The following UNC5D variants were observed in gnomAD, a reference collection of about 807,000 sequenced individuals.
UNC5D encodes netrin receptor UNC5D.
Under a neutral mutation model 105.4 loss-of-function variants are expected in UNC5D, and 39 were observed. That is an observed-to-expected ratio of 0.37 (90% confidence interval 0.29 to 0.48). UNC5D has a LOEUF of 0.48. UNC5D is among the 20% of genes least tolerant of loss of function. The probability of loss-of-function intolerance (pLI) is 0.98; values close to 1 mark genes in which losing one functional copy is unlikely to be tolerated. For synonymous variants in UNC5D, 452 were observed against 450.4 expected, an observed-to-expected ratio of 1.00 and a Z score of -0.04; for missense variants, 991 against 1,202.4, an observed-to-expected ratio of 0.82 and a Z score of 2.60.
At chr8:35,349,341 A>G (rs1195769071) in intron 1 of UNC5D, among the ~76,000 whole-genome samples, 2 of 151,960 alleles carry the variant, frequency 1.3e-5, no homozygotes, top group African/African-American at 2.4e-5. Context: ...TGTCACTTCA[A>G]ACAATGATCA....
chr8:35,769,002 A>G (rs1425080388), intron 15 of UNC5D, among the ~76,000 whole-genome samples: 1 of 152,102 alleles, frequency 6.6e-6, no homozygotes, highest in Non-Finnish European at 1.5e-5. Flanking sequence ...TGTCATCTTC[A>G]TTTTGTATAA....
At chr8:35,535,309 C>T (rs1814750250) in intron 1 of UNC5D, among the ~76,000 whole-genome samples, 1 of 152,076 alleles carries the variant, frequency 6.6e-6, no homozygotes, top group African/African-American at 2.4e-5. Context: ...TATTACAGTG[C>T]TCTTCTCCCC....
chr8:35,678,648 T>C (rs1825441272), intron 4 of UNC5D, among the ~76,000 whole-genome samples: 1 of 152,188 alleles, frequency 6.6e-6, no homozygotes, highest in Non-Finnish European at 1.5e-5. Flanking sequence ...ATATATTTAC[T>C]CTTTCATGTA....
chr8:35,700,695 G>C (rs532260470), intron 7 of UNC5D, among the ~76,000 whole-genome samples: 1 of 152,236 alleles, frequency 6.6e-6, no homozygotes, highest in South Asian at 2.1e-4. Context: ...AGAGTTAATA[G>C]ATTTATCAGA....
Position 35,302,426 on chromosome 8 carries a change from T to C in UNC5D, c.103+66539T>C, listed in dbSNP as rs111307243. On this transcript the variant is annotated intron_variant, in intron 1 of 16. Coordinates refer to ENST00000404895, the MANE Select transcript of UNC5D (RefSeq NM_080872.4). ...ACCAAATGAGAGCATCGCAGGGCAC[T>C]CCATGGTTTCTTTTCCTCAGATGCT... Among the ~76,000 whole-genome samples, 596 of 152,310 alleles carry C rather than the reference T, an allele frequency of 3.9e-3. 6 individuals are homozygous for C. Among genetic ancestry groups the C allele is most frequent in the African/African-American group, 0.013 (561 of 41,566 alleles).
intron 1 of UNC5D, among the ~76,000 whole-genome samples, chr8:35,305,589 C>CTTTCTTTCTTTCTTTCA (rs1808299799): frequency 4.9e-5 from 3 of 61,610 alleles, no homozygotes; most frequent in African/African-American, 2.5e-4. Context: ...TTCTTTCTTT[C>CTTTCTTTCTTTCTTTCA]TTTCTTTCTT....
At chr8:35,396,030 A>G (rs1804076039) in intron 1 of UNC5D, among the ~76,000 whole-genome samples, 1 of 152,200 alleles carries the variant, frequency 6.6e-6, no homozygotes, top group Non-Finnish European at 1.5e-5. Flanking sequence ...TGGGAATACC[A>G]ATTTGTAGAG....
intron 15 of UNC5D, 66 bp downstream of exon 15, chr8:35,767,132 A>C (rs1586613623): frequency 6.7e-7 from 1 of 1,497,942 alleles, no homozygotes. Context: ...ATAAAGCTAT[A>C]CCTACCAGCC....
At chr8:35,751,878 T>C (rs1239455922) in intron 13 of UNC5D, among the ~76,000 whole-genome samples, 1 of 152,142 alleles carries the variant, frequency 6.6e-6, no homozygotes, top group Non-Finnish European at 1.5e-5. Context: ...CTTTTACAAA[T>C]TTCCATGGAT....
At chr8:35,628,356 A>T (rs1247798673) in intron 4 of UNC5D, among the ~76,000 whole-genome samples, 1 of 152,068 alleles carries the variant, frequency 6.6e-6, no homozygotes, top group Non-Finnish European at 1.5e-5. Context: ...CTTGTCTTGA[A>T]TTCCTTACCT....
At chr8:35,501,793 T>G (rs1811989516) in intron 1 of UNC5D, among the ~76,000 whole-genome samples, 1 of 152,244 alleles carries the variant, frequency 6.6e-6, no homozygotes, top group Non-Finnish European at 1.5e-5. Context: ...TCTGGTAGTT[T>G]ACCTCTGAGC....
intron 1 of UNC5D, among the ~76,000 whole-genome samples, chr8:35,429,805 C>T (rs550994812): frequency 7.4e-4 from 113 of 152,216 alleles, no homozygotes; most frequent in African/African-American, 2.3e-3. Context: ...CAGCCCATGA[C>T]GACCAATGAT....
chr8:35,646,488 G>C (rs913623153), intron 4 of UNC5D, among the ~76,000 whole-genome samples: 2 of 151,968 alleles, frequency 1.3e-5, no homozygotes, highest in Non-Finnish European at 2.9e-5. Flanking sequence ...CCTCAACCCA[G>C]TCCTGAAATA....
intron 1 of UNC5D, among the ~76,000 whole-genome samples, chr8:35,395,009 C>T (rs529065049): frequency 9.2e-5 from 14 of 152,264 alleles, no homozygotes; most frequent in African/African-American, 3.4e-4. Flanking sequence ...ACCTCAGGTT[C>T]CCTCAGCTTT....
At chr8:35,330,308 G>T (rs1052675782) in intron 1 of UNC5D, among the ~76,000 whole-genome samples, 2 of 152,192 alleles carry the variant, frequency 1.3e-5, no homozygotes, top group Non-Finnish European at 2.9e-5. Flanking sequence ...GGAAGATAAA[G>T]ATTTGGCTTA....
intron 1 of UNC5D, among the ~76,000 whole-genome samples, chr8:35,291,402 T>G (rs1379208746): frequency 2.0e-5 from 3 of 152,218 alleles, no homozygotes; most frequent in Non-Finnish European, 4.4e-5. Flanking sequence ...CAAACTATTC[T>G]AAGTACCATA....
intron 4 of UNC5D, among the ~76,000 whole-genome samples, chr8:35,662,433 C>T (rs1192507874): frequency 6.6e-6 from 1 of 152,056 alleles, no homozygotes; most frequent in Admixed American, 6.6e-5. Flanking sequence ...AGGTGAACAA[C>T]TGTGTTTAGC....
At chr8:35,761,541 A>G (rs1199981284) in intron 14 of UNC5D, among the ~76,000 whole-genome samples, 1 of 152,240 alleles carries the variant, frequency 6.6e-6, no homozygotes, top group Non-Finnish European at 1.5e-5. Context: ...GGGCTGGATT[A>G]CATGGAAGTT....
In UNC5D at chr8:35,393,157, C is replaced by T. The variant is rs1217564325; in HGVS notation, c.104-156135C>T. Among the ~76,000 whole-genome samples the T allele has an allele frequency of 5.7e-4, 53 of 92,340 alleles. 1 individual carries two copies. Among genetic ancestry groups the T allele is most frequent in the African/African-American group, 2.0e-3 (48 of 23,982 alleles). The allele number at this position is 92,340 out of a possible 152,430, so 60.6% of individuals were successfully genotyped here. On this transcript the variant is annotated intron_variant, in intron 1 of 16. Transcript: ENST00000404895. ...TTTTTTTTTTTTTTTTTTTTTGAGA[C>T]GGAGTCTCGCTGTCGCCCAGGCTGG...
Sources: allele counts gnomAD v4.1 joint callset (sites outside exome capture counted in the v4.1 genomes callset), GRCh38; gene constraint gnomAD v4.1.1; transcripts MANE v1.5; gene names NCBI Gene and HGNC (gene_info 2026-07-23, HGNC 2026-07-21).